The following CAMK2B variants were observed in gnomAD, a reference collection of about 807,000 sequenced individuals.
The protein encoded by CAMK2B is calcium/calmodulin dependent protein kinase II beta.
Under a neutral mutation model 93.7 loss-of-function variants are expected in CAMK2B, and 27 were observed. That is an observed-to-expected ratio of 0.29 (90% confidence interval 0.21 to 0.40). The LOEUF (loss-of-function observed/expected upper bound fraction) is 0.40, where lower values mean the gene tolerates loss of function less well. Ranked by LOEUF, CAMK2B falls within the 10% of genes least tolerant of loss-of-function variation. CAMK2B has a pLI of 1.00. For missense variants in CAMK2B, 568 were observed against 895.8 expected (o/e 0.63, Z 4.67); for synonymous variants, 374 against 358.8 (o/e 1.04, Z -0.48).
chr7:44,243,712 G>A (rs1584108146), intron 6 of CAMK2B, among the ~76,000 whole-genome samples, 185 bp from the exon 7 acceptor site: 1 of 152,048 alleles, frequency 6.6e-6, no homozygotes, highest in Non-Finnish European at 1.5e-5. Context: ...CCCAGACGCT[G>A]AGCCTGCAAC....
In CAMK2B at chr7:44,263,038, G is replaced by A; in HGVS notation, c.187C>T (p.Arg63Trp). The change falls in exon 3 of 24, where the codon CGG becomes TGG. Residue 63 changes from arginine to tryptophan, a missense_variant. By Grantham distance (101) the Arg-to-Trp change is moderately radical. This residue lies in a region of CAMK2B where 105 missense variants were observed against 372.4 expected (regional missense o/e 0.28). Coordinates refer to ENST00000395749, the MANE Select transcript of CAMK2B (RefSeq NM_001220.5). ...RDHQKLEREARICRLLKHSNI... is the reference protein window; with the variant it reads ...RDHQKLEREAWICRLLKHSNI... The stretch of plus-strand genomic sequence containing the variant: ...GAATGCTTCAGAAGGCGGCAGATCC[G>A]AGCCTCTCTCTCCAGCTTCTGGTGA... 1 of 1,613,694 alleles carries A rather than the reference G, an allele frequency of 6.2e-7. No individual in the cohort carries two copies. The highest frequency in any genetic ancestry group is 8.5e-7 in the Non-Finnish European group (1 of 1,179,780).
At chr7:44,304,541 C>T (rs1790923904) in intron 1 of CAMK2B, among the ~76,000 whole-genome samples, 1 of 152,170 alleles carries the variant, frequency 6.6e-6, no homozygotes, top group Admixed American at 6.5e-5. Context: ...AATGGTATGA[C>T]ATGCTGGAAA....
intron 19 of CAMK2B, 34 bp from the exon 20 acceptor site, chr7:44,226,678 C>G (rs376288142): frequency 1.3e-6 from 2 of 1,508,168 alleles, no homozygotes; most frequent in Non-Finnish European, 1.8e-6. Context: ...GAACACAAGG[C>G]AGGCACGGGG....
rs1189212629 is a variant in CAMK2B at position 44,312,067 on chromosome 7, C to A, written c.65+13290G>T. Among the ~76,000 whole-genome samples, 1 of 152,190 alleles carries A rather than the reference C, an allele frequency of 6.6e-6. No homozygotes were observed. The highest frequency in any genetic ancestry group is 1.5e-5 in the Non-Finnish European group (1 of 68,018). The stretch of plus-strand genomic sequence containing the variant: ...AGTGTGTGCTTCCTGCTGGTGATGC[C>A]CCCATGGGTGACCAAGGCTGGGAAG... On this transcript the variant is annotated intron_variant, in intron 1 of 23. Coordinates refer to ENST00000395749, the MANE Select transcript of CAMK2B (RefSeq NM_001220.5). This position sits in a 1 kb window ranked among gnomAD's most constrained non-coding sequence, Gnocchi z 4.1.
intron 4 of CAMK2B, among the ~76,000 whole-genome samples, chr7:44,257,568 C>A (rs960479713): frequency 1.3e-5 from 2 of 152,244 alleles, no homozygotes; most frequent in Non-Finnish European, 2.9e-5. Context: ...TGGAGGTGTG[C>A]TGGGGCACAC....
chr7:44,299,612 T>C (rs1365595910), intron 1 of CAMK2B, among the ~76,000 whole-genome samples: 1 of 152,136 alleles, frequency 6.6e-6, no homozygotes, highest in Non-Finnish European at 1.5e-5. Context: ...AAAATACATA[T>C]AAGTGAACTG....
chr7:44,239,295 A>C (rs531993038), intron 13 of CAMK2B, among the ~76,000 whole-genome samples: 8 of 152,210 alleles, frequency 5.3e-5, no homozygotes, highest in Non-Finnish European at 1.2e-4. Flanking sequence ...GCCATTCTTA[A>C]TGGGGGTCTC....
intron 1 of CAMK2B, among the ~76,000 whole-genome samples, chr7:44,288,277 G>C (rs923924852): frequency 1.3e-5 from 2 of 152,244 alleles, no homozygotes; most frequent in Non-Finnish European, 2.9e-5. Context: ...AAGCACGGGC[G>C]GGCCTAGCAG....
chr7:44,269,223 C>G (rs886552742), intron 2 of CAMK2B, among the ~76,000 whole-genome samples: 3 of 152,104 alleles, frequency 2.0e-5, no homozygotes, highest in African/African-American at 4.8e-5. Flanking sequence ...GGCTGGGGGC[C>G]TGGTGGGGGC....
At position 44,220,049 on chromosome 7, in the gene CAMK2B, A is replaced by G. The variant is rs1583675222; in HGVS notation, c.*2+11T>C. ...CTCTGCCCCAGCTGTCACTTAGCAC[A>G]GAACACTCACCTTCACTGCAGCGGG... On this transcript the variant is annotated intron_variant, in intron 23 of 23. Transcript: ENST00000395749. 4 of 1,557,936 alleles carry G rather than the reference A, an allele frequency of 2.6e-6. No homozygotes were observed. The highest frequency in any genetic ancestry group is 3.5e-6 in the Non-Finnish European group (4 of 1,155,510).
chr7:44,265,920 C>T (rs2096917827), intron 2 of CAMK2B, among the ~76,000 whole-genome samples: 1 of 151,952 alleles, frequency 6.6e-6, no homozygotes, highest in Admixed American at 6.6e-5. Flanking sequence ...TGGTAACACA[C>T]AAACACACAC....
intron 5 of CAMK2B, among the ~76,000 whole-genome samples, chr7:44,253,114 G>A (rs952613702): frequency 1.3e-5 from 2 of 152,162 alleles, no homozygotes; most frequent in Admixed American, 1.3e-4. Flanking sequence ...CTGGTGCAGA[G>A]GCAAGTCACA....
At chr7:44,257,962 G>A (rs535086578) in intron 4 of CAMK2B, among the ~76,000 whole-genome samples, 1 of 152,382 alleles carries the variant, frequency 6.6e-6, no homozygotes, top group South Asian at 2.1e-4. Flanking sequence ...TAGCACCAAG[G>A]CTGGGCTTCT....
At chr7:44,316,781 TTATC>T (rs1794916629) in intron 1 of CAMK2B, among the ~76,000 whole-genome samples, 1 of 152,212 alleles carries the variant, frequency 6.6e-6, no homozygotes, top group Non-Finnish European at 1.5e-5. Context: ...TTCATCCAGG[TTATC>T]TAACTTGAGG....
rs778876307 is a variant in CAMK2B at position 44,220,739 on chromosome 7, C to T, written c.1674-29G>A. ...GGGGCCAAATCCAAGTGAGGAGGGG[C>T]CCCGTGGACCCCTGACTCTGAGCAG... On this transcript the variant is annotated intron_variant, in intron 21 of 23. Coordinates refer to ENST00000395749, the MANE Select transcript of CAMK2B (RefSeq NM_001220.5). 18 of 1,587,370 alleles carry T rather than the reference C, an allele frequency of 1.1e-5. No individual in the cohort carries two copies. In the African/African-American group the frequency reaches 1.7e-4, roughly 15 times the overall value.
chr7:44,227,827 C>T (rs2096533103), intron 19 of CAMK2B, among the ~76,000 whole-genome samples: 1 of 74,888 alleles, frequency 1.3e-5, no homozygotes, highest in East Asian at 3.5e-4. Context: ...AGGGGCAGAG[C>T]AGAGTTTGGG....
At chr7:44,289,908 C>G (rs1428281516) in intron 1 of CAMK2B, among the ~76,000 whole-genome samples, 1 of 152,232 alleles carries the variant, frequency 6.6e-6, no homozygotes, top group Non-Finnish European at 1.5e-5. Flanking sequence ...GCTTCTCTCC[C>G]TGTTCCTCTC....
chr7:44,260,861 C>G (rs1303390283), intron 3 of CAMK2B, among the ~76,000 whole-genome samples: 1 of 152,164 alleles, frequency 6.6e-6, no homozygotes, highest in African/African-American at 2.4e-5. Flanking sequence ...GCCCCATTCT[C>G]AAAGAGCAAG....
At chr7:44,226,290 C>T (rs1383263117) in intron 20 of CAMK2B, among the ~76,000 whole-genome samples, 1 of 152,220 alleles carries the variant, frequency 6.6e-6, no homozygotes. Context: ...TTCGGACGCT[C>T]TTCCTATACA....
Sources: gnomAD v4.1 joint callset for allele counts (sites outside exome capture counted in the v4.1 genomes callset) on GRCh38, gnomAD v4.1.1 for gene constraint, gnomAD v4.1.1 regional missense constraint, Gnocchi (gnomAD v3.1) non-coding constraint, MANE v1.5 for transcripts, NCBI Gene and HGNC (gene_info 2026-07-23, HGNC 2026-07-21) for gene names.